CTNNA3: variants seen among roughly 807,000 people sequenced by gnomAD.
CTNNA3 encodes catenin alpha 3.
A neutral mutation model predicts 95.7 loss-of-function variants in CTNNA3; 76 were observed. The ratio of observed to expected loss-of-function variants is 0.79; its 90% CI spans 0.66 to 0.96. The LOEUF (loss-of-function observed/expected upper bound fraction) is 0.96. CTNNA3 is among the 40% of genes least tolerant of loss of function. The probability of loss-of-function intolerance (pLI) is 0.00; values close to 1 mark genes in which losing one functional copy is unlikely to be tolerated. For missense variants in CTNNA3, 1,191 were observed against 1,089.8 expected (o/e 1.09, Z -1.31); for synonymous variants, 431 against 374.4 (o/e 1.15, Z -1.74).
intron 2 of CTNNA3, among the ~76,000 whole-genome samples, chr10:67,639,913 A>C (rs548936987): frequency 1.4e-3 from 220 of 152,360 alleles, no homozygotes; most frequent in African/African-American, 5.1e-3. Flanking sequence ...CTGAATGGGC[A>C]AAAACTGGAA....
intron 13 of CTNNA3, among the ~76,000 whole-genome samples, chr10:66,274,242 G>A (rs1259127124): frequency 6.6e-6 from 1 of 152,068 alleles, no homozygotes; most frequent in African/African-American, 2.4e-5. Flanking sequence ...ATGATTTATG[G>A]ACAGTAAAAT....
chr10:67,139,299 A>ATTTTTTTTT (rs60290459), intron 7 of CTNNA3, among the ~76,000 whole-genome samples: 33 of 117,882 alleles, frequency 2.8e-4, no homozygotes, highest in Non-Finnish European at 3.2e-4. Flanking sequence ...CGCCCGGCTA[A>ATTTTTTTTT]TTTTTTTTTT....
At chr10:67,720,744 G>A (rs10823079) in intron 1 of CTNNA3, among the ~76,000 whole-genome samples, 16,024 of 151,980 alleles carry the variant, frequency 0.11, 1,035 homozygotes, top group East Asian at 0.26. Context: ...ACCTGAGGTC[G>A]GGAGTTCAAG....
At chr10:67,107,419 T>G (rs1438727343) in intron 7 of CTNNA3, among the ~76,000 whole-genome samples, 1 of 152,250 alleles carries the variant, frequency 6.6e-6, no homozygotes, top group African/African-American at 2.4e-5. Context: ...TACAACATTT[T>G]GAAGACTGAT....
intron 7 of CTNNA3, among the ~76,000 whole-genome samples, chr10:66,896,775 C>G (rs927263248): frequency 5.3e-5 from 8 of 152,118 alleles, no homozygotes; most frequent in Non-Finnish European, 1.2e-4. Flanking sequence ...TCTTGTATGC[C>G]TTTCCCTCTT....
intron 10 of CTNNA3, among the ~76,000 whole-genome samples, chr10:66,609,060 CT>C (rs547830394): frequency 6.6e-5 from 10 of 150,950 alleles, no homozygotes; most frequent in African/African-American, 2.4e-4. Context: ...GGTCTATTAT[CT>C]TTTTTTTTCT....
chr10:66,766,258 G>C lies in CTNNA3; in HGVS notation c.1281+6C>G. ...CTTTAGTGAGTTACAGTTCTAGCATGCTTACCTCTACAAGCCTGCTGGTGT... is the reference window on the plus strand; with the variant it reads ...CTTTAGTGAGTTACAGTTCTAGCATCCTTACCTCTACAAGCCTGCTGGTGT... On this transcript the variant is annotated splice_donor_region_variant and intron_variant, in intron 9 of 17. Coordinates refer to ENST00000433211, the MANE Select transcript of CTNNA3 (RefSeq NM_013266.4). The C allele has an allele frequency of 6.2e-7, 1 of 1,613,204 alleles. No individual in the cohort carries two copies. The highest frequency in any genetic ancestry group is 8.5e-7 in the Non-Finnish European group (1 of 1,179,412).
chr10:67,304,293 G>A (rs986640664), intron 5 of CTNNA3, among the ~76,000 whole-genome samples: 7 of 152,006 alleles, frequency 4.6e-5, no homozygotes, highest in African/African-American at 1.7e-4. Context: ...TCTCTCCATA[G>A]GCACTTCACT....
At chr10:66,522,012 C>A (rs1841083772) in intron 10 of CTNNA3, among the ~76,000 whole-genome samples, 1 of 152,108 alleles carries the variant, frequency 6.6e-6, no homozygotes, top group Non-Finnish European at 1.5e-5. Flanking sequence ...ATTGTGTAAA[C>A]TGAACCAATT....
At chr10:66,277,748 C>T (rs975517448) in intron 13 of CTNNA3, among the ~76,000 whole-genome samples, 1 of 152,028 alleles carries the variant, frequency 6.6e-6, no homozygotes, top group Non-Finnish European at 1.5e-5. Flanking sequence ...CTGGGTATTC[C>T]TCCCTGGTTT....
intron 4 of CTNNA3, among the ~76,000 whole-genome samples, chr10:67,539,149 A>G (rs1840580060): frequency 6.6e-6 from 1 of 152,106 alleles, no homozygotes; most frequent in African/African-American, 2.4e-5. Context: ...TAAGGTTTCT[A>G]TTTCTCAAGT....
At chr10:67,508,272 A>G (rs1839492544) in intron 5 of CTNNA3, among the ~76,000 whole-genome samples, 1 of 152,126 alleles carries the variant, frequency 6.6e-6, no homozygotes, top group African/African-American at 2.4e-5. Flanking sequence ...TCAGCCTCCC[A>G]AAGTGCTGGG....
chr10:66,261,802 A>AC (rs1229062428), intron 13 of CTNNA3, among the ~76,000 whole-genome samples: 1 of 151,630 alleles, frequency 6.6e-6, no homozygotes, highest in East Asian at 1.9e-4. Context: ...CATTTTGAAG[A>AC]CCCCCACAGA....
intron 5 of CTNNA3, among the ~76,000 whole-genome samples, chr10:67,263,920 T>C (rs1866714935): frequency 6.6e-6 from 1 of 152,076 alleles, no homozygotes; most frequent in Non-Finnish European, 1.5e-5. Flanking sequence ...ACAAAGCTAC[T>C]GGAACTGAAT....
intron 16 of CTNNA3, among the ~76,000 whole-genome samples, chr10:65,974,952 A>G (rs983334560): frequency 7.2e-5 from 11 of 152,152 alleles, no homozygotes; most frequent in African/African-American, 2.7e-4. Context: ...CAAATTAAAA[A>G]GTAGGATGAA....
chr10:66,693,018 T>A (rs1024572361), intron 9 of CTNNA3, among the ~76,000 whole-genome samples: 1 of 151,984 alleles, frequency 6.6e-6, no homozygotes, highest in Non-Finnish European at 1.5e-5. Context: ...ATGCCAAATT[T>A]TAAACACCAT....
At chr10:65,926,388 C>T (rs1328617130) in intron 17 of CTNNA3, among the ~76,000 whole-genome samples, 1 of 151,804 alleles carries the variant, frequency 6.6e-6, no homozygotes, top group African/African-American at 2.4e-5. Flanking sequence ...TATGAAAATG[C>T]ATATATTCAG....
chr10:66,386,362 A>G (rs1326193056), intron 11 of CTNNA3, among the ~76,000 whole-genome samples: 1 of 152,186 alleles, frequency 6.6e-6, no homozygotes, highest in African/African-American at 2.4e-5. Context: ...CAAAGAGAAT[A>G]AAATACCTAG....
intron 7 of CTNNA3, among the ~76,000 whole-genome samples, chr10:67,089,632 T>C (rs1195958819): frequency 6.6e-6 from 1 of 151,992 alleles, no homozygotes; most frequent in African/African-American, 2.4e-5. Flanking sequence ...AGAAAAAAGA[T>C]GGCTACCTCA....
Sources: allele counts gnomAD v4.1 joint callset (sites outside exome capture counted in the v4.1 genomes callset), GRCh38; gene constraint gnomAD v4.1.1; transcripts MANE v1.5; gene names NCBI Gene and HGNC (gene_info 2026-07-23, HGNC 2026-07-21).